The following RSRC1 variants were observed in gnomAD, a reference collection of about 807,000 sequenced individuals.
The protein encoded by RSRC1 is serine/Arginine-related protein 53.
Under a neutral mutation model 49.1 loss-of-function variants are expected in RSRC1, and 39 were observed. The observed-to-expected ratio is 0.79, with a 90% CI of 0.61 to 1.04. The LOEUF (loss-of-function observed/expected upper bound fraction) is 1.04. RSRC1 is among the 50% of genes least tolerant of loss of function. The pLI, the probability that RSRC1 is intolerant of heterozygous loss-of-function variation, is 0.00. For missense variants in RSRC1, 388 were observed against 402.4 expected, an observed-to-expected ratio of 0.96 and a Z score of 0.31; for synonymous variants, 143 against 130.8, an observed-to-expected ratio of 1.09 and a Z score of -0.63.
chr3:158,332,365 G>A (rs1010027047), intron 5 of RSRC1, among the ~76,000 whole-genome samples: 7 of 152,062 alleles, frequency 4.6e-5, no homozygotes, highest in South Asian at 2.1e-4. Context: ...TATTACTTGA[G>A]CCAGTTATTG....
chr3:158,176,439 G>C (rs1386278235), intron 3 of RSRC1, among the ~76,000 whole-genome samples: 19 of 152,162 alleles, frequency 1.2e-4, no homozygotes, highest in Non-Finnish European at 7.4e-5. Context: ...CATGGTACTG[G>C]TACCAAAACA....
At chr3:158,118,185 A>G (rs1714975104) in intron 1 of RSRC1, among the ~76,000 whole-genome samples, 3 of 152,044 alleles carry the variant, frequency 2.0e-5, no homozygotes, top group African/African-American at 7.3e-5. Context: ...CCTGGACTCA[A>G]GTGATCTGTT....
chr3:158,311,008 A>G (rs1728091099), intron 5 of RSRC1, among the ~76,000 whole-genome samples: 1 of 151,906 alleles, frequency 6.6e-6, no homozygotes, highest in African/African-American at 2.4e-5. Flanking sequence ...GTGTATTTCA[A>G]GAAGAAATTT....
chr3:158,387,852 A>G (rs986266507), intron 6 of RSRC1, among the ~76,000 whole-genome samples: 1 of 152,184 alleles, frequency 6.6e-6, no homozygotes, highest in African/African-American at 2.4e-5. Flanking sequence ...GAGTCTTCTC[A>G]ATATAGCTGG....
intron 6 of RSRC1, among the ~76,000 whole-genome samples, chr3:158,414,838 A>T (rs1362161191): frequency 6.6e-6 from 1 of 152,174 alleles, no homozygotes; most frequent in Non-Finnish European, 1.5e-5. Flanking sequence ...CAAGAAAAAA[A>T]ATCTTTTTAA....
intron 6 of RSRC1, among the ~76,000 whole-genome samples, chr3:158,424,918 T>C (rs1398733347): frequency 6.6e-6 from 1 of 151,804 alleles, no homozygotes; most frequent in Non-Finnish European, 1.5e-5. Flanking sequence ...GTGGGATCGG[T>C]GGTGATATCC....
At chr3:158,422,003 T>C (rs574865346) in intron 6 of RSRC1, among the ~76,000 whole-genome samples, 51 of 152,048 alleles carry the variant, frequency 3.4e-4, no homozygotes, top group Admixed American at 1.5e-3. Context: ...ATATGTTTGG[T>C]TTTCATCAGA....
intron 3 of RSRC1, among the ~76,000 whole-genome samples, chr3:158,202,471 T>G (rs1721098351): frequency 6.7e-6 from 1 of 149,624 alleles, no homozygotes; most frequent in South Asian, 2.1e-4. Context: ...AATCCACATG[T>G]AAGTGGATCC....
intron 5 of RSRC1, 83 bp from the exon 6 acceptor site, chr3:158,354,774 A>G (rs1731066667): frequency 1.0e-6 from 1 of 974,382 alleles, no homozygotes; most frequent in Non-Finnish European, 1.5e-6. Context: ...TTTGCAAACA[A>G]ATGCATTAAT....
chr3:158,239,953 C>A lies in RSRC1; in HGVS notation c.494+36708C>A, dbSNP rs114045116. On this transcript the variant is annotated intron_variant, in intron 4 of 9. Transcript: ENST00000611884. ...TTCTAAAAAGCTTGAATTAGCTTTTCAAGTTCCAAAAAAACAACTTGTTTG... is the reference window on the plus strand; with the variant it reads ...TTCTAAAAAGCTTGAATTAGCTTTTAAAGTTCCAAAAAAACAACTTGTTTG... Among the ~76,000 whole-genome samples the A allele has an allele frequency of 6.9e-3, 1,049 of 152,190 alleles. 6 individuals carry two copies. The highest frequency in any genetic ancestry group is 9.7e-3 in the Non-Finnish European group (658 of 67,984).
intron 7 of RSRC1, among the ~76,000 whole-genome samples, chr3:158,498,750 G>C (rs949963021): frequency 1.3e-5 from 2 of 152,114 alleles, no homozygotes; most frequent in African/African-American, 4.8e-5. Context: ...TTTTGTACAA[G>C]GTAAGAGATG....
chr3:158,434,597 C>CT (rs762972066), intron 6 of RSRC1, among the ~76,000 whole-genome samples: 65 of 152,058 alleles, frequency 4.3e-4, no homozygotes, highest in Non-Finnish European at 4.6e-4. Flanking sequence ...ATACATTATT[C>CT]TTTTTGCGCC....
chr3:158,375,287 C>G (rs971789900), intron 6 of RSRC1, among the ~76,000 whole-genome samples: 1 of 151,354 alleles, frequency 6.6e-6, no homozygotes, highest in Non-Finnish European at 1.5e-5. Context: ...GCCTCGACCT[C>G]CTGGACTCAG....
At chr3:158,155,811 C>T (rs1717841293) in intron 3 of RSRC1, among the ~76,000 whole-genome samples, 1 of 152,106 alleles carries the variant, frequency 6.6e-6, no homozygotes, top group African/African-American at 2.4e-5. Context: ...ATTCAGCAAA[C>T]CATGTTGTAA....
intron 4 of RSRC1, among the ~76,000 whole-genome samples, chr3:158,249,053 A>G (rs1724063487): frequency 6.6e-6 from 1 of 152,142 alleles, no homozygotes; most frequent in Non-Finnish European, 1.5e-5. Context: ...AATATTGAGT[A>G]TCAATTATTT....
At chr3:158,183,134 A>T (rs1719725389) in intron 3 of RSRC1, among the ~76,000 whole-genome samples, 1 of 152,124 alleles carries the variant, frequency 6.6e-6, no homozygotes, top group South Asian at 2.1e-4. Flanking sequence ...TATTAATGTT[A>T]TTGGTCCAGA....
At chr3:158,518,126 G>GTGTGTA (rs1452849483) in intron 7 of RSRC1, among the ~76,000 whole-genome samples, 2 of 68,840 alleles carry the variant, frequency 2.9e-5, no homozygotes, top group Admixed American at 2.0e-4. Context: ...GTGTGTGTGT[G>GTGTGTA]TATATATATA....
intron 4 of RSRC1, among the ~76,000 whole-genome samples, chr3:158,241,491 T>TA (rs1559958054): frequency 6.6e-6 from 1 of 151,390 alleles, no homozygotes; most frequent in East Asian, 1.9e-4. Flanking sequence ...ATATTTTTTT[T>TA]AAAAAAGTGT....
At chr3:158,446,844 C>T (rs1435129136) in intron 6 of RSRC1, among the ~76,000 whole-genome samples, 3 of 151,930 alleles carry the variant, frequency 2.0e-5, no homozygotes, top group Non-Finnish European at 4.4e-5. Flanking sequence ...TTACAGTTTA[C>T]CCTGGAGAGT....
Sources: allele counts gnomAD v4.1 joint callset (sites outside exome capture counted in the v4.1 genomes callset), GRCh38; gene constraint gnomAD v4.1.1; transcripts MANE v1.5; gene names NCBI Gene and HGNC (gene_info 2026-07-23, HGNC 2026-07-21).